PDE1A: variants seen among roughly 807,000 people sequenced by gnomAD.
The protein encoded by PDE1A is dual specificity calcium/calmodulin-dependent 3',5'-cyclic nucleotide phosphodiesterase 1A.
Under a neutral mutation model 61.7 loss-of-function variants are expected in PDE1A, and 35 were observed. That is an observed-to-expected ratio of 0.57 (90% CI 0.43 to 0.75). The LOEUF (loss-of-function observed/expected upper bound fraction) is 0.75. PDE1A is among the 30% of genes least tolerant of loss of function. The pLI, the probability that PDE1A is intolerant of heterozygous loss-of-function variation, is 0.00. For missense variants in PDE1A, 597 were observed against 630.6 expected (o/e 0.95, Z 0.57); for synonymous variants, 232 against 213.2 (o/e 1.09, Z -0.77).
the PDE1A span, among the ~76,000 whole-genome samples, chr2:182,557,990 T>C: frequency 6.6e-6 from 1 of 152,148 alleles, no homozygotes; most frequent in Admixed American, 6.5e-5. Context: ...TTATAAAATC[T>C]GTTATTTCAA....
chr2:182,604,254 G>C, the PDE1A span, among the ~76,000 whole-genome samples: 1 of 152,110 alleles, frequency 6.6e-6, no homozygotes, highest in Non-Finnish European at 1.5e-5. Flanking sequence ...CATTTACATA[G>C]AGCAGTGCTT....
chr2:182,581,715 T>C, the PDE1A span, among the ~76,000 whole-genome samples: 1 of 152,122 alleles, frequency 6.6e-6, no homozygotes, highest in African/African-American at 2.4e-5. Context: ...GACTATTTTA[T>C]CTGGACAGAA....
At chr2:182,289,504 G>T (rs1694383504) in intron 1 of PDE1A, among the ~76,000 whole-genome samples, 1 of 152,124 alleles carries the variant, frequency 6.6e-6, no homozygotes, top group African/African-American at 2.4e-5. Flanking sequence ...ACTAGGGCTA[G>T]ACATCACTCC....
the PDE1A span, among the ~76,000 whole-genome samples, chr2:182,608,433 T>A: frequency 6.6e-6 from 1 of 152,076 alleles, no homozygotes; most frequent in African/African-American, 2.4e-5. Flanking sequence ...CCAAGCCGGC[T>A]CCCTCAGCTT....
chr2:182,498,584 G>T (rs1397245520), intron 2 of PDE1A, among the ~76,000 whole-genome samples: 2 of 151,840 alleles, frequency 1.3e-5, no homozygotes, highest in East Asian at 1.9e-4. Flanking sequence ...ATACTGAAAG[G>T]CATGTATTTC....
At chr2:182,707,711 G>C in the PDE1A span, among the ~76,000 whole-genome samples, 1 of 152,116 alleles carries the variant, frequency 6.6e-6, no homozygotes, top group Admixed American at 6.5e-5. Context: ...AAATACTTAA[G>C]GGAAAAATAA....
At chr2:182,570,813 A>C in the PDE1A span, among the ~76,000 whole-genome samples, 17 of 152,310 alleles carry the variant, frequency 1.1e-4, no homozygotes, top group Middle Eastern at 0.01. Context: ...TTGTGTATCC[A>C]TATATTAGAC....
chr2:182,264,878 C>CATGTATATATATGTATAT lies in PDE1A; in HGVS notation c.54-465_54-464insATATACATATATATACAT, dbSNP rs1553560263. ...ATAAAGAAAATGTGGTATATATATACATATATATATATATGTATATATATA... is the reference window on the plus strand; with the variant it reads ...ATAAAGAAAATGTGGTATATATATACATGTATATATATGTATATATATATATATATATGTATATATATA... On this transcript the variant is annotated intron_variant, in intron 1 of 13. Transcript: ENST00000351439. 5.2e-3 allele frequency among the ~76,000 whole-genome samples: 559 copies of CATGTATATATATGTATAT among 106,870 alleles called. 20 individuals carry two copies. The highest frequency in any genetic ancestry group is 0.02 in the African/African-American group (540 of 27,098). The allele number at this position is 106,870 out of a possible 152,430, so 70.1% of individuals were successfully genotyped here. A position where few individuals can be genotyped will look rare whatever the true frequency, so the allele number is the denominator to read the frequency against.
intron 2 of PDE1A, among the ~76,000 whole-genome samples, chr2:182,445,943 G>A (rs1232602513): frequency 2.6e-5 from 4 of 151,924 alleles, no homozygotes; most frequent in Non-Finnish European, 4.4e-5. Flanking sequence ...TTCTCATTAG[G>A]CAATTAGTTA....
intron 2 of PDE1A, 39 bp downstream of exon 2, chr2:182,264,262 G>T: frequency 7.4e-7 from 1 of 1,352,186 alleles, no homozygotes; most frequent in Non-Finnish European, 1.0e-6. Flanking sequence ...AAACGGGAGA[G>T]AATCAAAGAA....
chr2:182,152,412 C>CTTTTTTTTTTTTTTTTTTTTTTTT (rs559392112), intron 13 of PDE1A, among the ~76,000 whole-genome samples: 1 of 75,294 alleles, frequency 1.3e-5, no homozygotes, highest in African/African-American at 5.3e-5. Context: ...TTTTTTTCCT[C>CTTTTTTTTTTTTTTTTTTTTTTTT]TTTTTTTTTT....
At chr2:182,229,885 C>G in intron 6 of PDE1A, 121 bp downstream of exon 6, 1 of 572,660 alleles carries the variant, frequency 1.7e-6, no homozygotes, top group Non-Finnish European at 2.8e-6. Flanking sequence ...AACAATTATT[C>G]TTTATAATAC....
chr2:182,412,603 T>C (rs1432668814), intron 1 of PDE1A, among the ~76,000 whole-genome samples: 1 of 152,216 alleles, frequency 6.6e-6, no homozygotes, highest in African/African-American at 2.4e-5. Flanking sequence ...TAAATTAGAC[T>C]AGAAACAGCA....
chr2:182,211,763 T>C (rs1215783004), intron 7 of PDE1A, among the ~76,000 whole-genome samples: 1 of 152,248 alleles, frequency 6.6e-6, no homozygotes, highest in Non-Finnish European at 1.5e-5. Context: ...GTGGTGCTAA[T>C]GCAAATGATA....
the PDE1A span, among the ~76,000 whole-genome samples, chr2:182,548,001 A>G: frequency 2.0e-5 from 3 of 152,164 alleles, no homozygotes; most frequent in Non-Finnish European, 2.9e-5. Flanking sequence ...TTACCCTAAA[A>G]TAAAATCACA....
At chr2:182,397,519 A>G (rs991806572) in intron 1 of PDE1A, among the ~76,000 whole-genome samples, 1 of 152,158 alleles carries the variant, frequency 6.6e-6, no homozygotes, top group African/African-American at 2.4e-5. Flanking sequence ...TGATTTTAAG[A>G]ATTATTAGTG....
chr2:182,451,378 C>CAAAAAAAAAAA (rs1219608685), intron 2 of PDE1A, among the ~76,000 whole-genome samples: 1 of 12,304 alleles, frequency 8.1e-5, no homozygotes, highest in African/African-American at 3.3e-4. Context: ...GACTCCGTCT[C>CAAAAAAAAAAA]AAAAAAAAAA....
chr2:182,393,972 C>G (rs1011302980), intron 1 of PDE1A, among the ~76,000 whole-genome samples: 7 of 152,230 alleles, frequency 4.6e-5, no homozygotes, highest in Non-Finnish European at 8.8e-5. Context: ...CTTCTGAGCT[C>G]TCCAAGTCTC....
chr2:182,424,719 G>C (rs1278503844), intron 1 of PDE1A, among the ~76,000 whole-genome samples: 1 of 152,188 alleles, frequency 6.6e-6, no homozygotes, highest in Admixed American at 6.5e-5. Context: ...CTAGTTATTT[G>C]AATCTTTTAA....
Sources: gnomAD v4.1 joint callset for allele counts (sites outside exome capture counted in the v4.1 genomes callset) on GRCh38, gnomAD v4.1.1 for gene constraint, MANE v1.5 for transcripts, NCBI Gene and HGNC (gene_info 2026-07-23, HGNC 2026-07-21) for gene names.